The following GABRA4 variants were observed in gnomAD, a reference collection of about 807,000 sequenced individuals.
The protein encoded by GABRA4 is gamma-aminobutyric acid receptor subunit alpha-4.
A neutral mutation model predicts 49.7 loss-of-function variants in GABRA4; 12 were observed. The ratio of observed to expected loss-of-function variants is 0.24; its 90% CI spans 0.15 to 0.39. The LOEUF is 0.39. GABRA4 is among the 10% of genes least tolerant of loss of function. GABRA4 has a pLI of 1.00. For synonymous variants in GABRA4, 288 were observed against 240.2 expected (o/e 1.20, Z -1.84); for missense variants, 506 against 686.0 (o/e 0.74, Z 2.93).
At chr4:46,982,161 T>C (rs1723377909) in intron 2 of GABRA4, among the ~76,000 whole-genome samples, 1 of 152,132 alleles carries the variant, frequency 6.6e-6, no homozygotes, top group Admixed American at 6.5e-5. Flanking sequence ...AAGTTGTAGA[T>C]ATATCAGTAA....
chr4:46,972,956 C>G (rs1723002273), intron 6 of GABRA4, among the ~76,000 whole-genome samples: 2 of 151,734 alleles, frequency 1.3e-5, no homozygotes, highest in African/African-American at 4.8e-5. Context: ...AGCATTTTAT[C>G]TCGCAGTCAA....
intron 8 of GABRA4, among the ~76,000 whole-genome samples, chr4:46,943,705 C>T (rs1721891220): frequency 6.6e-6 from 1 of 152,240 alleles, no homozygotes; most frequent in South Asian, 2.1e-4. Context: ...ATTCACTTGG[C>T]TTACCCAGGA....
At chr4:46,954,149 T>G (rs1722263501) in intron 8 of GABRA4, among the ~76,000 whole-genome samples, 1 of 149,802 alleles carries the variant, frequency 6.7e-6, no homozygotes, top group South Asian at 2.1e-4. Flanking sequence ...AGATTTCTGC[T>G]GTAGAGGTGA....
intron 2 of GABRA4, among the ~76,000 whole-genome samples, chr4:46,987,221 C>T (rs892947511): frequency 6.7e-6 from 1 of 149,486 alleles, no homozygotes; most frequent in African/African-American, 2.5e-5. Context: ...CTACAGGGAC[C>T]CTGACTTCCC....
Position 46,993,524 on chromosome 4 carries a change from C to A in GABRA4, c.-100G>T. On this transcript the variant is annotated 5_prime_UTR_variant, in exon 1 of 9. Coordinates refer to ENST00000264318, the MANE Select transcript of GABRA4 (RefSeq NM_000809.4). ...AGGGCAGAGAGGCTCCCGCGGCGTG[C>A]GCACACTCGCGCTCACACTCGCCCG... 4.8e-6 allele frequency: 6 copies of A among 1,240,796 alleles called. No individual in the cohort carries two copies. Among genetic ancestry groups the A allele is most frequent in the Non-Finnish European group, 7.0e-6 (6 of 863,292 alleles). 76.9% of individuals were successfully genotyped at this position (1,240,796 alleles called of 1,614,324 possible).
chr4:46,953,938 C>G (rs1722257276), intron 8 of GABRA4, among the ~76,000 whole-genome samples: 1 of 151,970 alleles, frequency 6.6e-6, no homozygotes, highest in Non-Finnish European at 1.5e-5. Context: ...GATCTAGACC[C>G]CCAAGTTTAA....
intron 6 of GABRA4, among the ~76,000 whole-genome samples, chr4:46,972,899 C>G (rs1186127054): frequency 1.3e-5 from 2 of 151,722 alleles, no homozygotes; most frequent in Non-Finnish European, 2.9e-5. Context: ...TACCTCACAT[C>G]TTTGCTCCAG....
chr4:46,955,849 A>G (rs1323401187), intron 8 of GABRA4, among the ~76,000 whole-genome samples: 1 of 152,122 alleles, frequency 6.6e-6, no homozygotes, highest in Non-Finnish European at 1.5e-5. Flanking sequence ...TATAGTAAAT[A>G]CAGCCACTAA....
chr4:46,949,109 T>C (rs546459044), intron 8 of GABRA4, among the ~76,000 whole-genome samples: 3 of 152,120 alleles, frequency 2.0e-5, no homozygotes, highest in Admixed American at 1.3e-4. Context: ...TTATGTTCTC[T>C]GAAGCTTAGA....
intron 8 of GABRA4, among the ~76,000 whole-genome samples, chr4:46,957,222 C>G (rs1043086982): frequency 6.6e-6 from 1 of 151,482 alleles, no homozygotes; most frequent in African/African-American, 2.4e-5. Context: ...TCCTAGAGCT[C>G]GGTCAGAATG....
intron 8 of GABRA4, among the ~76,000 whole-genome samples, chr4:46,943,595 C>T (rs1282462383): frequency 6.6e-6 from 1 of 151,994 alleles, no homozygotes; most frequent in Non-Finnish European, 1.5e-5. Context: ...TGGGCCCTGC[C>T]TCCCAGTCCA....
intron 8 of GABRA4, among the ~76,000 whole-genome samples, chr4:46,932,259 G>A (rs1331930287): frequency 7.9e-5 from 12 of 152,018 alleles, no homozygotes; most frequent in Admixed American, 7.9e-4. Flanking sequence ...AAACAGAAAG[G>A]GATTTCAGTG....
rs1027184972 is a variant in GABRA4 at position 46,927,282 on chromosome 4, T to C, written c.*943A>G. The C allele has an allele frequency of 6.6e-6, 1 of 152,516 alleles. No homozygotes were observed. Among genetic ancestry groups the C allele is most frequent in the South Asian group, 2.1e-4 (1 of 4,834 alleles). The allele number at this position is 152,516 out of a possible 1,614,324, so 9.4% of individuals were successfully genotyped here. A position where few individuals can be genotyped will look rare whatever the true frequency, so the allele number is the denominator to read the frequency against. On this transcript the variant is annotated 3_prime_UTR_variant, in exon 9 of 9. Coordinates refer to ENST00000264318, the MANE Select transcript of GABRA4 (RefSeq NM_000809.4). ...TTGTACTGACATCAAAGTGGTTATG[T>C]GAACAAATATATTTGTTATCCACTA...
chr4:46,988,194 AT>A lies in GABRA4; in HGVS notation c.205+4633del, dbSNP rs999730429. Among the ~76,000 whole-genome samples, 1,340 of 151,622 alleles carry A rather than the reference AT, an allele frequency of 8.8e-3. 14 individuals carry two copies. Among genetic ancestry groups the A allele is most frequent in the African/African-American group, 0.022 (927 of 41,358 alleles). Reference sequence around the variant, plus strand: ...CAAATCTGAAATAGATCCCTCACCCATTTTTTTTCCCTTTTAGCATGATATT... The same window carrying A: ...CAAATCTGAAATAGATCCCTCACCCATTTTTTTCCCTTTTAGCATGATATT... On this transcript the variant is annotated intron_variant, in intron 2 of 8. Transcript: ENST00000264318.
At chr4:46,979,155 G>T in intron 2 of GABRA4, 57 bp from the exon 3 acceptor site, 2 of 1,081,570 alleles carry the variant, frequency 1.8e-6, no homozygotes, top group Non-Finnish European at 1.4e-6. Flanking sequence ...TACAGGCTGG[G>T]AAGGTTAGAT....
At chr4:46,988,540 AG>A (rs1191441678) in intron 2 of GABRA4, among the ~76,000 whole-genome samples, 4 of 152,242 alleles carry the variant, frequency 2.6e-5, no homozygotes, top group Non-Finnish European at 5.9e-5. Flanking sequence ...TTAACTTTTA[AG>A]TGGAGAAACA....
chr4:46,930,163 G>C (rs1432175219), intron 8 of GABRA4, among the ~76,000 whole-genome samples: 2 of 152,036 alleles, frequency 1.3e-5, no homozygotes, highest in African/African-American at 4.8e-5. Context: ...ATGTCAGCTT[G>C]TAGTATTCTT....
intron 7 of GABRA4, among the ~76,000 whole-genome samples, chr4:46,968,636 T>A (rs1218584501): frequency 1.3e-5 from 2 of 151,694 alleles, no homozygotes; most frequent in African/African-American, 4.8e-5. Flanking sequence ...TAACAATATT[T>A]GGCAAATCTG....
At chr4:46,953,672 A>T (rs1389174161) in intron 8 of GABRA4, among the ~76,000 whole-genome samples, 1 of 152,184 alleles carries the variant, frequency 6.6e-6, no homozygotes, top group East Asian at 1.9e-4. Context: ...TGATCTAAAA[A>T]ATGTGATTAA....
Sources: gnomAD v4.1 joint callset for allele counts (sites outside exome capture counted in the v4.1 genomes callset) on GRCh38, gnomAD v4.1.1 for gene constraint, MANE v1.5 for transcripts, NCBI Gene and HGNC (gene_info 2026-07-23, HGNC 2026-07-21) for gene names.